The following FSIP1 variants were observed in gnomAD, a reference collection of about 807,000 sequenced individuals.
The protein encoded by FSIP1 is fibrous sheath interacting protein 1.
A neutral mutation model predicts 60.9 loss-of-function variants in FSIP1; 65 were observed. That is an observed-to-expected ratio of 1.07 (90% CI 0.87 to 1.31). FSIP1 has a LOEUF of 1.31. FSIP1 is among the 40% of genes most tolerant of loss of function. The pLI is 0.00. For synonymous variants in FSIP1, 209 were observed against 221.2 expected (o/e 0.94, Z 0.49); for missense variants, 675 against 665.5 (o/e 1.01, Z -0.16).
At chr15:39,634,898 T>G (rs2140409422) in intron 10 of FSIP1, among the ~76,000 whole-genome samples, 1 of 152,294 alleles carries the variant, frequency 6.6e-6, no homozygotes, top group African/African-American at 2.4e-5. Context: ...ACTAACATGG[T>G]GCCCTGTGTG....
intron 10 of FSIP1, among the ~76,000 whole-genome samples, chr15:39,693,796 G>A (rs1346847361): frequency 6.6e-6 from 1 of 152,118 alleles, no homozygotes; most frequent in East Asian, 1.9e-4. Flanking sequence ...TGTGGGTTAT[G>A]GACAAGTCAC....
intron 9 of FSIP1, among the ~76,000 whole-genome samples, chr15:39,716,048 T>C (rs531910594): frequency 6.6e-6 from 1 of 152,324 alleles, no homozygotes; most frequent in South Asian, 2.1e-4. Context: ...GGTATTTCTT[T>C]ATAGCAGTGA....
At chr15:39,666,935 T>G (rs761306073) in intron 10 of FSIP1, among the ~76,000 whole-genome samples, 39 of 152,230 alleles carry the variant, frequency 2.6e-4, no homozygotes, top group Admixed American at 2.6e-4. Context: ...CACTTATGAC[T>G]GTGAGGTTTA....
In FSIP1 at chr15:39,763,808, TC is replaced by T; in HGVS notation, c.559+12del. The T allele has an allele frequency of 7.5e-7, 1 of 1,337,050 alleles. No individual in the cohort carries two copies. The highest frequency in any genetic ancestry group is 1.1e-6 in the Non-Finnish European group (1 of 935,770). The allele number at this position is 1,337,050 out of a possible 1,614,324, so 82.8% of individuals were successfully genotyped here. ...GATAAAAACAAAGTTGAATGACATC[TC>T]CATCTACTCACCAACAGTTTCTTCA... On this transcript the variant is annotated intron_variant, in intron 5 of 11. Coordinates refer to ENST00000350221, the MANE Select transcript of FSIP1 (RefSeq NM_152597.5).
At chr15:39,710,455 A>AC (rs1463874168) in intron 10 of FSIP1, among the ~76,000 whole-genome samples, 1 of 151,954 alleles carries the variant, frequency 6.6e-6, no homozygotes, top group African/African-American at 2.4e-5. Flanking sequence ...AAAAAAAAAA[A>AC]AAAAAACATA....
At chr15:39,708,239 C>G (rs1895358983) in intron 10 of FSIP1, among the ~76,000 whole-genome samples, 1 of 152,144 alleles carries the variant, frequency 6.6e-6, no homozygotes, top group Non-Finnish European at 1.5e-5. Flanking sequence ...GAAAAGAGCT[C>G]AAAGCACAGC....
chr15:39,778,186 A>G (rs1037189112), intron 1 of FSIP1, among the ~76,000 whole-genome samples: 13 of 152,244 alleles, frequency 8.5e-5, no homozygotes, highest in African/African-American at 7.2e-5. Context: ...ACCAAAAAGC[A>G]TAAGTCACCA....
chr15:39,755,476 C>G (rs1324034555), intron 5 of FSIP1, among the ~76,000 whole-genome samples: 1 of 152,078 alleles, frequency 6.6e-6, no homozygotes, highest in Non-Finnish European at 1.5e-5. Context: ...GGAGATGAAG[C>G]ACATAGTAAT....
intron 5 of FSIP1, among the ~76,000 whole-genome samples, chr15:39,755,423 G>T (rs1897271571): frequency 6.6e-6 from 1 of 152,092 alleles, no homozygotes; most frequent in Non-Finnish European, 1.5e-5. Context: ...ATTTTCTCTG[G>T]AAAGGAAGAC....
intron 10 of FSIP1, among the ~76,000 whole-genome samples, chr15:39,684,240 C>G (rs1894276529): frequency 6.6e-6 from 1 of 152,060 alleles, no homozygotes; most frequent in Admixed American, 6.6e-5. Flanking sequence ...AAGGAACAGA[C>G]ACATGTGTGT....
chr15:39,765,241 C>CTTT lies in FSIP1; in HGVS notation c.465+348_465+350dup, dbSNP rs71132116. 7.2e-4 allele frequency among the ~76,000 whole-genome samples: 83 copies of CTTT among 115,152 alleles called. 2 individuals are homozygous for CTTT. The highest frequency in any genetic ancestry group is 4.2e-3 in the East Asian group (17 of 4,026). 75.5% of individuals were successfully genotyped at this position (115,152 alleles called of 152,430 possible). A position where few individuals can be genotyped will look rare whatever the true frequency, so the allele number is the denominator to read the frequency against. On this transcript the variant is annotated intron_variant, in intron 4 of 11. Coordinates refer to ENST00000350221, the MANE Select transcript of FSIP1 (RefSeq NM_152597.5). ...TTACTCATCTTAGAGGAAATTCTTT[C>CTTT]TTTTTTTTTTTTTTTTTTTTGAGTG...
chr15:39,765,964 T>C (rs1414607238), intron 3 of FSIP1, among the ~76,000 whole-genome samples: 1 of 152,254 alleles, frequency 6.6e-6, no homozygotes, highest in Non-Finnish European at 1.5e-5. Flanking sequence ...ATCTCTATTT[T>C]ACAGTTGAGA....
intron 5 of FSIP1, among the ~76,000 whole-genome samples, chr15:39,761,257 G>C (rs537776161): frequency 6.6e-6 from 1 of 152,296 alleles, no homozygotes; most frequent in East Asian, 1.9e-4. Flanking sequence ...GTTTGTCAAC[G>C]AGATGTCTGC....
chr15:39,770,353 C>T, intron 3 of FSIP1, 74 bp downstream of exon 3: 7 of 1,155,282 alleles, frequency 6.1e-6, no homozygotes, highest in Non-Finnish European at 8.3e-6. Context: ...AATACTAACA[C>T]CTTAAATATA....
chr15:39,658,164 C>T (rs1893144862), intron 10 of FSIP1, among the ~76,000 whole-genome samples: 1 of 151,762 alleles, frequency 6.6e-6, no homozygotes, highest in Non-Finnish European at 1.5e-5. Flanking sequence ...AGGTTACCAT[C>T]TTAGGCAACT....
intron 1 of FSIP1, among the ~76,000 whole-genome samples, chr15:39,777,996 C>T (rs1180687231): frequency 2.0e-5 from 3 of 152,172 alleles, no homozygotes; most frequent in African/African-American, 7.2e-5. Flanking sequence ...GGCTTCCAAC[C>T]ATTCAAGGTG....
intron 10 of FSIP1, among the ~76,000 whole-genome samples, chr15:39,673,870 A>G (rs1024786288): frequency 6.6e-6 from 1 of 151,864 alleles, no homozygotes; most frequent in Middle Eastern, 3.2e-3. Flanking sequence ...TATATTTTGT[A>G]TATATCTTAA....
chr15:39,687,136 CCTTTTTTTT>C (rs1167343132), intron 10 of FSIP1, among the ~76,000 whole-genome samples: 1 of 47,732 alleles, frequency 2.1e-5, no homozygotes, highest in Non-Finnish European at 3.8e-5. Flanking sequence ...CTTTTCTTTT[CCTTTTTTTT>C]TTTTTTTTTT....
intron 5 of FSIP1, among the ~76,000 whole-genome samples, chr15:39,750,680 ACTC>A (rs1014555966): frequency 1.3e-5 from 2 of 151,820 alleles, no homozygotes; most frequent in African/African-American, 4.8e-5. Context: ...AAACTACAAA[ACTC>A]CTAGAAGAAA....
Sources: allele counts gnomAD v4.1 joint callset (sites outside exome capture counted in the v4.1 genomes callset), GRCh38; gene constraint gnomAD v4.1.1; transcripts MANE v1.5; gene names NCBI Gene and HGNC (gene_info 2026-07-23, HGNC 2026-07-21).